The following ROBO2 variants were observed in gnomAD, a reference collection of about 807,000 sequenced individuals.
The protein encoded by ROBO2 is roundabout homolog 2.
A neutral mutation model predicts 160.8 loss-of-function variants in ROBO2; 53 were observed. The observed-to-expected ratio is 0.33, with a 90% CI of 0.26 to 0.41. The LOEUF (loss-of-function observed/expected upper bound fraction) is 0.41. Among genes scored for constraint, ROBO2 ranks in the 10% least tolerant of loss-of-function variants. The probability of loss-of-function intolerance (pLI) is 1.00; values close to 1 mark genes in which losing one functional copy is unlikely to be tolerated. For synonymous variants in ROBO2, 664 were observed against 611.7 expected (o/e 1.09, Z -1.26); for missense variants, 1,577 against 1,722.4 (o/e 0.92, Z 1.49).
chr3:77,005,643 T>A (rs1559832815), intron 2 of ROBO2, among the ~76,000 whole-genome samples: 1 of 152,160 alleles, frequency 6.6e-6, no homozygotes, highest in Non-Finnish European at 1.5e-5. Context: ...TAAACGACAG[T>A]AGAAGGTTGT....
chr3:76,862,893 T>C (rs1174971657), intron 2 of ROBO2, among the ~76,000 whole-genome samples: 1 of 152,142 alleles, frequency 6.6e-6, no homozygotes, highest in Non-Finnish European at 1.5e-5. Context: ...TCACGTCTCT[T>C]TTCTCTCTCC....
intron 2 of ROBO2, among the ~76,000 whole-genome samples, chr3:76,290,056 T>C (rs967723615): frequency 1.3e-4 from 20 of 152,140 alleles, no homozygotes; most frequent in African/African-American, 4.1e-4. Context: ...TTGATAGGAA[T>C]AGCACTGAAT....
chr3:77,279,014 T>C (rs59179079), intron 2 of ROBO2, among the ~76,000 whole-genome samples: 3,465 of 152,222 alleles, frequency 0.023, 125 homozygotes, highest in African/African-American at 0.078. Context: ...GACAAAGGGT[T>C]AGAGATGCTA....
chr3:77,319,363 A>T (rs2064419126), intron 2 of ROBO2, among the ~76,000 whole-genome samples: 1 of 152,196 alleles, frequency 6.6e-6, no homozygotes. Flanking sequence ...TCAGTCACTG[A>T]TGAGGCATAC....
At chr3:76,760,233 A>G (rs2608153) in intron 2 of ROBO2, among the ~76,000 whole-genome samples, 127,224 of 151,654 alleles carry the variant, frequency 0.84, 53,472 homozygotes, top group Admixed American at 0.86. Context: ...ACCTTTTTAA[A>G]ATGTTTTAAA....
chr3:75,916,923 CAT>C (rs1461201022), intron 1 of ROBO2, among the ~76,000 whole-genome samples: 2 of 151,808 alleles, frequency 1.3e-5, no homozygotes, highest in African/African-American at 2.4e-5. Flanking sequence ...TATTATTTAA[CAT>C]ATATTCACAC....
chr3:76,549,362 G>C (rs1424196620), intron 2 of ROBO2, among the ~76,000 whole-genome samples: 2 of 152,134 alleles, frequency 1.3e-5, no homozygotes, highest in African/African-American at 4.8e-5. Flanking sequence ...AGTGGCTGTG[G>C]TGTAAAACGT....
At chr3:76,175,626 T>C (rs543695163) in intron 2 of ROBO2, among the ~76,000 whole-genome samples, 109 of 152,218 alleles carry the variant, frequency 7.2e-4, no homozygotes, top group African/African-American at 2.5e-3. Flanking sequence ...AAAGCTATAC[T>C]CCCTATCCTT....
At chr3:77,647,540 G>A (rs1216687203) in exon 26 of ROBO2, 2 of 152,046 alleles carry the variant, frequency 1.3e-5, no homozygotes, top group Non-Finnish European at 1.5e-5. Flanking sequence ...TTGTTTTCAC[G>A]ACTTTGACAA....
In ROBO2 at chr3:77,608,759, G is replaced by A. The variant is rs185988957; in HGVS notation, c.3293+805G>A. Among the ~76,000 whole-genome samples the A allele has an allele frequency of 2.0e-5, 3 of 151,912 alleles. No homozygotes were observed. The East Asian group carries it at 5.8e-4, about 29-fold the overall frequency. On this transcript the variant is annotated intron_variant, in intron 21 of 25. Transcript: ENST00000461745. ...TCCCAGGTCACTATTTATTTTGACT[G>A]GGCCTTTATGTAAGCTAAAAATACA...
intron 6 of ROBO2, among the ~76,000 whole-genome samples, chr3:77,539,520 T>C (rs1445984079): frequency 6.6e-6 from 1 of 152,110 alleles, no homozygotes; most frequent in Non-Finnish European, 1.5e-5. Flanking sequence ...GGTATGTGTA[T>C]AGGTATAATG....
chr3:76,434,221 T>A, intron 2 of ROBO2: 1 of 1,049,422 alleles, frequency 9.5e-7, no homozygotes, highest in Non-Finnish European at 1.5e-6. Context: ...TATGCAGAGA[T>A]GGTCCACACA....
chr3:76,988,380 T>C (rs1369359019), intron 2 of ROBO2, among the ~76,000 whole-genome samples: 3 of 152,152 alleles, frequency 2.0e-5, no homozygotes, highest in Non-Finnish European at 2.9e-5. Context: ...ATTAGGTGAA[T>C]AAGTCAGGCT....
At chr3:76,940,107 G>A (rs376896878) in intron 2 of ROBO2, among the ~76,000 whole-genome samples, 1 of 148,898 alleles carries the variant, frequency 6.7e-6, no homozygotes. Context: ...TCAGCCTCCC[G>A]AGTAGCTGGG....
At chr3:76,099,135 C>A (rs1389300116) in intron 2 of ROBO2, among the ~76,000 whole-genome samples, 2 of 152,062 alleles carry the variant, frequency 1.3e-5, no homozygotes, top group African/African-American at 4.8e-5. Flanking sequence ...TCTTAGCAAG[C>A]CACTGAGAAA....
intron 2 of ROBO2, among the ~76,000 whole-genome samples, chr3:76,273,022 T>C (rs1187560440): frequency 1.0e-5 from 1 of 98,474 alleles, no homozygotes; most frequent in Admixed American, 1.7e-4. Context: ...ATATTATATA[T>C]AATATATATT....
chr3:77,178,310 T>A (rs1422687972), intron 2 of ROBO2, among the ~76,000 whole-genome samples: 2 of 152,002 alleles, frequency 1.3e-5, no homozygotes, highest in Non-Finnish European at 2.9e-5. Flanking sequence ...TGCACAAAGA[T>A]ACAGTGGCAG....
At chr3:77,466,334 C>A (rs1328398618) in intron 2 of ROBO2, among the ~76,000 whole-genome samples, 1 of 151,982 alleles carries the variant, frequency 6.6e-6, no homozygotes, top group Non-Finnish European at 1.5e-5. Flanking sequence ...CTAAAAAATC[C>A]ACAAGCATGT....
At chr3:76,433,413 A>G (rs1467917038) in intron 2 of ROBO2, among the ~76,000 whole-genome samples, 2 of 152,212 alleles carry the variant, frequency 1.3e-5, no homozygotes, top group Non-Finnish European at 2.9e-5. Context: ...TCTTAAATTT[A>G]CATTTAACTG....
Sources: gnomAD v4.1 joint callset for allele counts (sites outside exome capture counted in the v4.1 genomes callset) on GRCh38, gnomAD v4.1.1 for gene constraint, MANE v1.5 for transcripts, NCBI Gene and HGNC (gene_info 2026-07-23, HGNC 2026-07-21) for gene names.